Variants in PIK3R4 observed in about 807,000 individuals in gnomAD.
PIK3R4 encodes phosphoinositide-3-kinase regulatory subunit 4, also known as phosphoinositide 3-kinase regulatory subunit 4.
Under a neutral mutation model 136.5 loss-of-function variants are expected in PIK3R4, and 46 were observed. The ratio of observed to expected loss-of-function variants is 0.34; its 90% CI spans 0.27 to 0.43. The LOEUF is 0.43. Among genes scored for constraint, PIK3R4 ranks in the 20% least tolerant of loss-of-function variants. PIK3R4 has a pLI of 1.00. For missense variants in PIK3R4, 1,331 were observed against 1,649.5 expected (o/e 0.81, Z 3.35); for synonymous variants, 557 against 566.7 (o/e 0.98, Z 0.24).
Position 130,718,684 on chromosome 3 carries a change from A to T in PIK3R4, c.1982-150T>A, listed in dbSNP as rs950002162. Reference sequence around the variant, plus strand: ...ACATACTCAATTACCCTGAAGCATAAACTCAATCAAGTGGACACACTGTTA... The same window carrying T: ...ACATACTCAATTACCCTGAAGCATATACTCAATCAAGTGGACACACTGTTA... On this transcript the variant is annotated intron_variant, in intron 7 of 19. Transcript: ENST00000356763. 5 of 630,474 alleles carry T rather than the reference A, an allele frequency of 7.9e-6. No individual in the cohort carries two copies. In the Admixed American group the frequency reaches 1.4e-4, roughly 18 times the overall value. The allele number at this position is 630,474 out of a possible 1,614,324, so 39.1% of individuals were successfully genotyped here. A position where few individuals can be genotyped will look rare whatever the true frequency, so the allele number is the denominator to read the frequency against.
Position 130,681,695 on chromosome 3 carries a change from C to A in PIK3R4, c.3608-104G>T. 7 of 657,876 alleles carry A rather than the reference C, an allele frequency of 1.1e-5. No individual in the cohort carries two copies. In the South Asian group the frequency reaches 1.3e-4, roughly 12 times the overall value. 40.8% of individuals were successfully genotyped at this position (657,876 alleles called of 1,614,324 possible). A position where few individuals can be genotyped will look rare whatever the true frequency, so the allele number is the denominator to read the frequency against. ...GAGAGAAAGAAAGAAAAATTTCTTT[C>A]TTTCTTTCAGGGGGAGAGACAATAT... is the stretch of plus-strand genomic sequence containing the variant. On this transcript the variant is annotated intron_variant, in intron 16 of 19. Transcript: ENST00000356763.
chr3:130,706,876 C>A, intron 11 of PIK3R4, 72 bp downstream of exon 11: 1 of 1,269,572 alleles, frequency 7.9e-7, no homozygotes, highest in Non-Finnish European at 1.1e-6. Flanking sequence ...CAGTACACAG[C>A]CTTTAAACAA....
At chr3:130,705,020 G>T (rs1458470765) in intron 12 of PIK3R4, among the ~76,000 whole-genome samples, 2 of 151,820 alleles carry the variant, frequency 1.3e-5, no homozygotes, top group African/African-American at 4.8e-5. Context: ...TCATAGAGAT[G>T]GGGTGTCACC....
chr3:130,738,243 G>C (rs571042495), intron 2 of PIK3R4, among the ~76,000 whole-genome samples: 326 of 152,288 alleles, frequency 2.1e-3, no homozygotes, highest in African/African-American at 7.1e-3. Context: ...AAGTTTCTGA[G>C]CAAGTTTAAG....
intron 1 of PIK3R4, among the ~76,000 whole-genome samples, chr3:130,745,746 G>A (rs2066848964): frequency 6.6e-6 from 1 of 152,288 alleles, no homozygotes; most frequent in African/African-American, 2.4e-5. Flanking sequence ...AAAACTGGCC[G>A]GGCGCGGTGG....
Position 130,690,489 on chromosome 3 carries a change from C to A in PIK3R4, c.3263+1G>T. The A allele has an allele frequency of 6.2e-7, 1 of 1,604,828 alleles. No individual in the cohort carries two copies. Among genetic ancestry groups the A allele is most frequent in the Non-Finnish European group, 8.5e-7 (1 of 1,175,360 alleles). ...TTTAAGAAAGACAAAAGATAAGATA[C>A]CTGCTTTGTAGAGGATGGATTTTAG... is the stretch of plus-strand genomic sequence containing the variant. On this transcript the variant is annotated splice_donor_variant, in intron 14 of 19. Transcript: ENST00000356763. LOFTEE classifies it high-confidence loss of function.
chr3:130,690,333 A>T (rs75256297), intron 14 of PIK3R4, among the ~76,000 whole-genome samples, 157 bp downstream of exon 14: 31,290 of 150,292 alleles, frequency 0.21, 3,480 homozygotes, highest in South Asian at 0.36. Flanking sequence ...CATTTTTAAA[A>T]TTTTATTTAT....
chr3:130,692,063 G>A (rs1454299759), intron 13 of PIK3R4, among the ~76,000 whole-genome samples: 1 of 151,468 alleles, frequency 6.6e-6, no homozygotes, highest in Non-Finnish European at 1.5e-5. Flanking sequence ...TTTTAATAGA[G>A]GCAGGGTTTC....
chr3:130,711,832 G>A (rs749626951), intron 9 of PIK3R4, among the ~76,000 whole-genome samples: 1 of 152,050 alleles, frequency 6.6e-6, no homozygotes, highest in Non-Finnish European at 1.5e-5. Flanking sequence ...CTCCCTGGCC[G>A]GAGGGCAGGG....
intron 13 of PIK3R4, among the ~76,000 whole-genome samples, chr3:130,694,716 T>C (rs1256054315): frequency 6.6e-6 from 1 of 152,122 alleles, no homozygotes; most frequent in Non-Finnish European, 1.5e-5. Context: ...TACATGATCA[T>C]GCTGGCTACT....
At chr3:130,707,161 AG>A in intron 10 of PIK3R4, 26 bp from the exon 11 acceptor site, 1 of 1,539,506 alleles carries the variant, frequency 6.5e-7, no homozygotes, top group Non-Finnish European at 8.8e-7. Flanking sequence ...CAGAATAGTT[AG>A]TCTGAAGGTA....
intron 15 of PIK3R4, 121 bp downstream of exon 15, chr3:130,686,088 GAA>G (rs377696549): frequency 4.6e-4 from 233 of 510,608 alleles, no homozygotes; most frequent in Middle Eastern, 1.5e-3. Context: ...ACATGACTAT[GAA>G]AAAAAAAAAA....
At chr3:130,723,680 T>C (rs2066716315) in intron 6 of PIK3R4, 93 bp from the exon 7 acceptor site, 2 of 1,009,324 alleles carry the variant, frequency 2.0e-6, no homozygotes, top group Non-Finnish European at 2.8e-6. Flanking sequence ...AAGCCAAACA[T>C]ATTAATCAAT....
At chr3:130,723,392 A>G (rs748563386) in intron 7 of PIK3R4, 22 bp downstream of exon 7, 1 of 1,580,446 alleles carries the variant, frequency 6.3e-7, no homozygotes, top group Admixed American at 1.9e-5. Context: ...TCTCATTCTA[A>G]TTTTGAGAAA....
intron 13 of PIK3R4, among the ~76,000 whole-genome samples, chr3:130,701,839 T>TA (rs1036552314): frequency 2.7e-4 from 41 of 150,344 alleles, no homozygotes; most frequent in Non-Finnish European, 4.6e-4. Context: ...TTGAAATCAT[T>TA]AAAAAAAAAT....
intron 7 of PIK3R4, among the ~76,000 whole-genome samples, chr3:130,722,433 G>A (rs2066707061): frequency 2.0e-5 from 3 of 152,120 alleles, no homozygotes; most frequent in African/African-American, 7.2e-5. Flanking sequence ...GAGTGCAGGG[G>A]TAAAAAACTA....
chr3:130,730,810 A>C (rs368788494), intron 4 of PIK3R4, among the ~76,000 whole-genome samples: 1 of 152,266 alleles, frequency 6.6e-6, no homozygotes, highest in South Asian at 2.1e-4. Flanking sequence ...ATCCACATTA[A>C]AATAACAGAT....
At chr3:130,682,570 A>G (rs761237672) in intron 16 of PIK3R4, among the ~76,000 whole-genome samples, 5 of 152,144 alleles carry the variant, frequency 3.3e-5, no homozygotes, top group Non-Finnish European at 5.9e-5. Context: ...CAAGTCATTC[A>G]TATCAGGCTG....
At chr3:130,711,600 C>T (rs578069065) in intron 9 of PIK3R4, among the ~76,000 whole-genome samples, 24 of 152,298 alleles carry the variant, frequency 1.6e-4, no homozygotes, top group African/African-American at 5.5e-4. Flanking sequence ...AGTGCAAGAC[C>T]TCTTAATATA....
Sources: gnomAD v4.1 joint callset for allele counts (sites outside exome capture counted in the v4.1 genomes callset) on GRCh38, gnomAD v4.1.1 for gene constraint, MANE v1.5 for transcripts, NCBI Gene and HGNC (gene_info 2026-07-23, HGNC 2026-07-21) for gene names.